CFAP95: variants seen among roughly 807,000 people sequenced by gnomAD.
CFAP95 encodes cilia- and flagella-associated protein 95.
chr9:69,837,585 T>G, the CFAP95 span, among the ~76,000 whole-genome samples: 2 of 152,184 alleles, frequency 1.3e-5, no homozygotes, highest in Non-Finnish European at 2.9e-5. Flanking sequence ...GTTGTTTGTT[T>G]TTTTCTTGTA....
the CFAP95 span, among the ~76,000 whole-genome samples, chr9:69,892,675 C>G: frequency 6.6e-6 from 1 of 152,132 alleles, no homozygotes; most frequent in Non-Finnish European, 1.5e-5. Context: ...GCCACCCTGG[C>G]CCGCCACAAC....
the CFAP95 span, among the ~76,000 whole-genome samples, chr9:69,822,706 T>C: frequency 2.0e-5 from 3 of 152,164 alleles, no homozygotes; most frequent in Non-Finnish European, 2.9e-5. Context: ...CAGACATCAA[T>C]AGCAAAACCA....
At chr9:69,895,369 C>CTGTGTGTGTGTGTGTGTG in the CFAP95 span, among the ~76,000 whole-genome samples, 5 of 107,920 alleles carry the variant, frequency 4.6e-5, no homozygotes, top group African/African-American at 1.5e-4. Flanking sequence ...CTCTCTCTCT[C>CTGTGTGTGTGTGTGTGTG]TGTGTGTGTG....
chr9:69,848,082 G>T, the CFAP95 span, among the ~76,000 whole-genome samples: 3 of 152,172 alleles, frequency 2.0e-5, no homozygotes, highest in Admixed American at 6.5e-5. Flanking sequence ...GGATTTTGGA[G>T]AGTGTGCTCT....
the CFAP95 span, among the ~76,000 whole-genome samples, chr9:69,844,863 C>T: frequency 4.1e-4 from 62 of 152,308 alleles, no homozygotes; most frequent in African/African-American, 1.4e-3. Context: ...GTGCCTGGCA[C>T]ATAAAAGTGC....
chr9:69,838,368 G>A, the CFAP95 span, among the ~76,000 whole-genome samples: 7 of 151,428 alleles, frequency 4.6e-5, no homozygotes, highest in African/African-American at 1.7e-4. Flanking sequence ...CCATGAGCAT[G>A]GAATGTTCTT....
At chr9:69,886,256 G>T in the CFAP95 span, among the ~76,000 whole-genome samples, 1 of 152,178 alleles carries the variant, frequency 6.6e-6, no homozygotes, top group East Asian at 1.9e-4. Context: ...CAGGCATTCA[G>T]ATATGCTAAA....
chr9:69,896,628 A>G, the CFAP95 span, among the ~76,000 whole-genome samples: 8 of 152,336 alleles, frequency 5.3e-5, no homozygotes, highest in African/African-American at 1.7e-4. Flanking sequence ...TACTTCTTAA[A>G]TACATAAGAA....
At chr9:69,877,522 T>A in the CFAP95 span, among the ~76,000 whole-genome samples, 1 of 152,244 alleles carries the variant, frequency 6.6e-6, no homozygotes, top group Non-Finnish European at 1.5e-5. Context: ...TTACATGTAT[T>A]CTTATAGGAA....
At chr9:69,872,586 AGTGCTGGG>A in the CFAP95 span, among the ~76,000 whole-genome samples, 2 of 152,100 alleles carry the variant, frequency 1.3e-5, no homozygotes, top group Non-Finnish European at 2.9e-5. Flanking sequence ...GTTCTTAACA[AGTGCTGGG>A]CTTGGATCAG....
the CFAP95 span, among the ~76,000 whole-genome samples, chr9:69,861,155 A>G: frequency 3.9e-5 from 6 of 152,216 alleles, no homozygotes; most frequent in Admixed American, 1.3e-4. Context: ...CATCACCACA[A>G]ATATGTAAGT....
At chr9:69,890,405 T>C in the CFAP95 span, among the ~76,000 whole-genome samples, 1 of 152,228 alleles carries the variant, frequency 6.6e-6, no homozygotes, top group African/African-American at 2.4e-5. Flanking sequence ...TCCAAAGCAA[T>C]TGATTTTGAG....
chr9:69,892,556 G>A, the CFAP95 span, among the ~76,000 whole-genome samples: 1 of 152,288 alleles, frequency 6.6e-6, no homozygotes, highest in East Asian at 1.9e-4. Context: ...GGAAATACTG[G>A]GTAGAAGAGG....
At chr9:69,877,048 A>G in the CFAP95 span, among the ~76,000 whole-genome samples, 6 of 152,372 alleles carry the variant, frequency 3.9e-5, no homozygotes, top group African/African-American at 1.4e-4. Flanking sequence ...GTCAAGACCT[A>G]AATATGAAAT....
chr9:69,823,460 C>G, the CFAP95 span, among the ~76,000 whole-genome samples: 2 of 152,334 alleles, frequency 1.3e-5, no homozygotes, highest in African/African-American at 4.8e-5. Context: ...AAAACTAACT[C>G]TCTTGCTGTG....
the CFAP95 span, among the ~76,000 whole-genome samples, chr9:69,860,892 TC>T: frequency 6.6e-6 from 1 of 152,164 alleles, no homozygotes; most frequent in Non-Finnish European, 1.5e-5. Flanking sequence ...CATGGAGTTG[TC>T]ATCTCCTGTG....
chr9:69,868,674 A>C, the CFAP95 span, among the ~76,000 whole-genome samples: 1 of 151,408 alleles, frequency 6.6e-6, no homozygotes, highest in Non-Finnish European at 1.5e-5. Flanking sequence ...AAAAAAAAAA[A>C]AAACCAAAAA....
the CFAP95 span, among the ~76,000 whole-genome samples, chr9:69,846,629 A>G: frequency 1.3e-5 from 2 of 152,366 alleles, no homozygotes; most frequent in East Asian, 3.9e-4. Context: ...TACAGATCTT[A>G]AATGACTCAC....
chr9:69,902,671 G>T, the CFAP95 span, among the ~76,000 whole-genome samples: 1 of 151,350 alleles, frequency 6.6e-6, no homozygotes. Context: ...GTTGTTCTTG[G>T]TATACCTGTT....
Sources: allele counts gnomAD v4.1 joint callset (sites outside exome capture counted in the v4.1 genomes callset), GRCh38; gene constraint gnomAD v4.1.1; transcripts MANE v1.5; gene names NCBI Gene and HGNC (gene_info 2026-07-23, HGNC 2026-07-21).